The following CNTN5 variants were observed in gnomAD, a reference collection of about 807,000 sequenced individuals.
The protein encoded by CNTN5 is contactin-5.
In CNTN5, 77 loss-of-function variants were observed where a neutral mutation model predicts 129.1. That is an observed-to-expected ratio of 0.60 (90% confidence interval 0.50 to 0.72). The LOEUF (loss-of-function observed/expected upper bound fraction) is 0.72, where lower values mean the gene tolerates loss of function less well. Among genes scored for constraint, CNTN5 ranks in the 30% least tolerant of loss-of-function variants. The pLI is 0.00. For synonymous variants in CNTN5, 509 were observed against 465.6 expected, an observed-to-expected ratio of 1.09 and a Z score of -1.20; for missense variants, 1,478 against 1,328.8, an observed-to-expected ratio of 1.11 and a Z score of -1.75.
At chr11:100,035,446 T>C (rs533815642) in intron 9 of CNTN5, among the ~76,000 whole-genome samples, 71 of 146,852 alleles carry the variant, frequency 4.8e-4, no homozygotes, top group African/African-American at 1.8e-3. Context: ...TGCATGTGTC[T>C]TTATAGCAGC....
intron 6 of CNTN5, among the ~76,000 whole-genome samples, chr11:99,908,988 C>T (rs1949583494): frequency 6.6e-6 from 1 of 151,906 alleles, no homozygotes; most frequent in Non-Finnish European, 1.5e-5. Flanking sequence ...AGAGAAAAAA[C>T]GGGGCTAATG....
intron 3 of CNTN5, among the ~76,000 whole-genome samples, chr11:99,675,129 G>A (rs961390550): frequency 4.1e-4 from 63 of 152,088 alleles, no homozygotes; most frequent in African/African-American, 1.5e-3. Context: ...ACTAATTGTT[G>A]GAGTAAACAT....
intron 2 of CNTN5, among the ~76,000 whole-genome samples, chr11:99,373,814 A>G (rs573469760): frequency 2.5e-4 from 38 of 152,020 alleles, no homozygotes; most frequent in African/African-American, 9.2e-4. Context: ...TTTCATTAAT[A>G]TGTCCATATT....
At chr11:99,179,978 T>C (rs1197226660) in intron 1 of CNTN5, among the ~76,000 whole-genome samples, 1 of 152,150 alleles carries the variant, frequency 6.6e-6, no homozygotes, top group Non-Finnish European at 1.5e-5. Context: ...TCTCTCTATA[T>C]CTCCCTGAAC....
chr11:99,319,365 G>A (rs528849362), intron 1 of CNTN5, among the ~76,000 whole-genome samples: 9 of 152,118 alleles, frequency 5.9e-5, no homozygotes, highest in Non-Finnish European at 8.8e-5. Context: ...GATTCAGTTC[G>A]TATTTTTCTT....
At chr11:99,274,165 T>C (rs978844492) in intron 1 of CNTN5, among the ~76,000 whole-genome samples, 1 of 151,728 alleles carries the variant, frequency 6.6e-6, no homozygotes, top group Non-Finnish European at 1.5e-5. Flanking sequence ...GCAGTGCTAT[T>C]TCATCAATTT....
chr11:100,302,741 G>A (rs181390386), intron 20 of CNTN5, among the ~76,000 whole-genome samples: 1 of 151,666 alleles, frequency 6.6e-6, no homozygotes, highest in African/African-American at 2.4e-5. Context: ...ATGGAACATG[G>A]ATAATAGATG....
chr11:100,299,116 T>C, intron 19 of CNTN5, 46 bp from the exon 20 acceptor site: 1 of 1,260,560 alleles, frequency 7.9e-7, no homozygotes, highest in East Asian at 2.6e-5. Context: ...AAGTGGATTT[T>C]TAATCAATCA....
chr11:100,341,084 A>G lies in CNTN5; in HGVS notation c.2918-9A>G. ...CCTTGTCAGTTCACTTTCACTTTTTATTTTGCAGCTCCTAGTCAAGCACCT... is the reference window on the plus strand; with the variant it reads ...CCTTGTCAGTTCACTTTCACTTTTTGTTTTGCAGCTCCTAGTCAAGCACCT... On this transcript the variant is annotated splice_polypyrimidine_tract_variant and intron_variant, in intron 22 of 24. Transcript: ENST00000524871. 1 of 1,588,036 alleles carries G rather than the reference A, an allele frequency of 6.3e-7. No individual in the cohort carries two copies. Among genetic ancestry groups the G allele is most frequent in the Non-Finnish European group, 8.6e-7 (1 of 1,157,376 alleles).
At chr11:99,041,260 TCTC>T (rs1404887050) in intron 1 of CNTN5, among the ~76,000 whole-genome samples, 1 of 152,160 alleles carries the variant, frequency 6.6e-6, no homozygotes, top group Non-Finnish European at 1.5e-5. Flanking sequence ...TCATTTATTC[TCTC>T]CTCAAGGCCT....
chr11:99,842,697 T>C (rs1489437133), intron 4 of CNTN5, among the ~76,000 whole-genome samples: 3 of 152,242 alleles, frequency 2.0e-5, no homozygotes, highest in Non-Finnish European at 4.4e-5. Flanking sequence ...TGCAAGTTAA[T>C]TCTTAAAATT....
chr11:99,451,301 G>GAAT (rs1944291915), intron 2 of CNTN5, among the ~76,000 whole-genome samples: 1 of 151,990 alleles, frequency 6.6e-6, no homozygotes, highest in South Asian at 2.1e-4. Flanking sequence ...TCACACTGAT[G>GAAT]ACCCCATGTT....
intron 1 of CNTN5, among the ~76,000 whole-genome samples, chr11:99,177,584 G>T (rs184641398): frequency 1.4e-4 from 21 of 152,278 alleles, no homozygotes; most frequent in Admixed American, 7.2e-4. Flanking sequence ...CATGTCTATG[G>T]TTCATCGAAA....
At chr11:100,039,083 G>A (rs534437965) in intron 9 of CNTN5, among the ~76,000 whole-genome samples, 1 of 152,134 alleles carries the variant, frequency 6.6e-6, no homozygotes, top group Non-Finnish European at 1.5e-5. Context: ...TTACAACTTG[G>A]CATGTTTTTG....
intron 13 of CNTN5, among the ~76,000 whole-genome samples, chr11:100,138,507 C>T (rs1268427479): frequency 6.6e-6 from 1 of 151,706 alleles, no homozygotes; most frequent in African/African-American, 2.4e-5. Flanking sequence ...AATAGAATGC[C>T]AAAAAATAGG....
chr11:99,844,794 A>T, intron 4 of CNTN5, 58 bp from the exon 5 acceptor site: 1 of 1,528,028 alleles, frequency 6.5e-7, no homozygotes, highest in Non-Finnish European at 8.9e-7. Context: ...AAAGAAAAAA[A>T]CACAAAATAT....
intron 7 of CNTN5, among the ~76,000 whole-genome samples, chr11:99,946,038 A>G (rs1950547413): frequency 6.6e-6 from 1 of 152,138 alleles, no homozygotes; most frequent in African/African-American, 2.4e-5. Flanking sequence ...CCAGTTTAAC[A>G]GTTTGTGTGC....
chr11:100,347,619 C>A (rs1952313349), intron 23 of CNTN5, among the ~76,000 whole-genome samples: 1 of 152,182 alleles, frequency 6.6e-6, no homozygotes, highest in South Asian at 2.1e-4. Context: ...CTGCAACATG[C>A]CCAAAAAGAA....
chr11:99,126,971 C>T (rs1188278819), intron 1 of CNTN5, among the ~76,000 whole-genome samples: 1 of 152,272 alleles, frequency 6.6e-6, no homozygotes, highest in Admixed American at 6.5e-5. Context: ...AAGTGGCACT[C>T]TCAGGGAGCC....
Sources: gnomAD v4.1 joint callset for allele counts (sites outside exome capture counted in the v4.1 genomes callset) on GRCh38, gnomAD v4.1.1 for gene constraint, MANE v1.5 for transcripts, NCBI Gene and HGNC (gene_info 2026-07-23, HGNC 2026-07-21) for gene names.